Variants in ZBP1 observed in about 807,000 individuals in gnomAD.
ZBP1 encodes Z-DNA binding protein 1.
ZBP1 carries 42 observed loss-of-function variants against 41.1 expected under a neutral mutation model. The ratio of observed to expected loss-of-function variants is 1.02; its 90% CI spans 0.80 to 1.32. The LOEUF is 1.32. Ranked by LOEUF, ZBP1 falls within the 40% of genes most tolerant of loss-of-function variation. ZBP1 has a pLI of 0.00. For missense variants in ZBP1, 562 were observed against 549.7 expected, an observed-to-expected ratio of 1.02 and a Z score of -0.22; for synonymous variants, 214 against 205.2, an observed-to-expected ratio of 1.04 and a Z score of -0.37.
rs370973847 is a variant in ZBP1, at chr20:57,611,698, G to A, written c.874+29C>T. On this transcript the variant is annotated intron_variant, in intron 6 of 7. Coordinates refer to ENST00000371173, the MANE Select transcript of ZBP1 (RefSeq NM_030776.3). The stretch of plus-strand genomic sequence containing the variant: ...CAGTGAGGACCCACGGGGTGGCAGA[G>A]TTGGGTCTGGCCTCTAGATCCCAGT... 1.0e-5 allele frequency: 16 copies of A among 1,591,732 alleles called. No individual in the cohort carries two copies. In the Admixed American group the frequency reaches 1.6e-4, roughly 16 times the overall value.
intron 5 of ZBP1, 143 bp from the exon 6 acceptor site, chr20:57,612,073 G>C (rs1459030889): frequency 2.2e-6 from 2 of 911,018 alleles, no homozygotes. Context: ...CTGGCTTAGA[G>C]AGCAAGAGGA....
Position 57,610,927 on chromosome 20 carries a change from G to C in ZBP1, c.875-560C>G, listed in dbSNP as rs182304987. Among the ~76,000 whole-genome samples, 5 of 151,796 alleles carry C rather than the reference G, an allele frequency of 3.3e-5. No individual in the cohort carries two copies. Among genetic ancestry groups the C allele is most frequent in the Admixed American group, 2.6e-4 (4 of 15,244 alleles). On this transcript the variant is annotated intron_variant, in intron 6 of 7. Transcript: ENST00000371173. The surrounding 1 kb of genome is among the most constrained non-coding windows in gnomAD (Gnocchi z 5.5). ...GATGCTTCCCTGGTCTCACCAGCCTGGCCCCTCTCTGGAGACTCCTTTCCC... is the reference window on the plus strand; with the variant it reads ...GATGCTTCCCTGGTCTCACCAGCCTCGCCCCTCTCTGGAGACTCCTTTCCC...
chr20:57,616,688 C>A (rs774936310), intron 1 of ZBP1: 11 of 573,218 alleles, frequency 1.9e-5, no homozygotes, highest in South Asian at 1.6e-4. Flanking sequence ...GCCTTGGCTG[C>A]GCAGCCTGGT....
intron 7 of ZBP1, among the ~76,000 whole-genome samples, chr20:57,609,843 C>T (rs994378255): frequency 3.9e-5 from 6 of 152,270 alleles, no homozygotes; most frequent in South Asian, 2.1e-4. Flanking sequence ...GGCTGAGCTT[C>T]GCCTTCAGAT....
rs562117860 is a variant in ZBP1 at position 57,604,308 on chromosome 20, C to A, written c.*265G>T. The A allele has an allele frequency of 3.7e-5, 23 of 616,718 alleles. 1 individual carries two copies. In the East Asian group the frequency reaches 7.9e-4, roughly 21 times the overall value. 38.2% of individuals were successfully genotyped at this position (616,718 alleles called of 1,614,324 possible). On this transcript the variant is annotated 3_prime_UTR_variant, in exon 8 of 8. Transcript: ENST00000371173. ...AGAGAGTCCCCTGGGCCTGGGGGAC[C>A]GAGCCCCACTCCCATCTACCCACCT...
intron 5 of ZBP1, 58 bp from the exon 6 acceptor site, chr20:57,611,988 C>T: frequency 1.3e-6 from 2 of 1,509,992 alleles, no homozygotes; most frequent in African/African-American, 1.4e-5. Flanking sequence ...CTTCCTTTCC[C>T]TCACCACCAC....
chr20:57,609,039 C>G (rs1047740725), intron 7 of ZBP1, among the ~76,000 whole-genome samples: 7 of 152,328 alleles, frequency 4.6e-5, no homozygotes, highest in Admixed American at 4.6e-4. Context: ...CCCATGGCTT[C>G]CAATTGCCTT....
chr20:57,610,187 ACTC>A lies in ZBP1; in HGVS notation c.1052_1054del (p.Gly351del). ...TGGCTCCCCCTCTCCAGACCCTGCG[ACTC>A]CTCCTGGGCCAGCCACCCCTGGGCT... On this transcript the variant is annotated inframe_deletion, in exon 7 of 8. Transcript: ENST00000371173. The surrounding 1 kb of genome is among the most constrained non-coding windows in gnomAD (Gnocchi z 5.5). The A allele has an allele frequency of 4.3e-6, 7 of 1,612,450 alleles. No individual in the cohort carries two copies. The highest frequency in any genetic ancestry group is 5.9e-6 in the Non-Finnish European group (7 of 1,179,618).
intron 4 of ZBP1, 140 bp downstream of exon 4, chr20:57,614,747 C>A (rs1194020797): frequency 1.8e-6 from 2 of 1,141,580 alleles, no homozygotes; most frequent in Non-Finnish European, 2.5e-6. Flanking sequence ...TCCTGGAAGC[C>A]CTTGCAGTGA....
At position 57,616,870 on chromosome 20, in the gene ZBP1, C is replaced by T. The variant is rs149369466; in HGVS notation, c.35-402G>A. ...GCGCAAAGGCAAGTCCTGCCTGGGA[C>T]GCCTGCCTGGGTTTACCTGATGCCC... is the stretch of plus-strand genomic sequence containing the variant. On this transcript the variant is annotated intron_variant, in intron 1 of 7. Coordinates refer to ENST00000371173, the MANE Select transcript of ZBP1 (RefSeq NM_030776.3). The T allele has an allele frequency of 1.3e-3, 321 of 237,968 alleles. 1 individual carries two copies. The highest frequency in any genetic ancestry group is 6.8e-3 in the African/African-American group (303 of 44,406). The allele number at this position is 237,968 out of a possible 1,614,324, so 14.7% of individuals were successfully genotyped here.
At chr20:57,606,942 C>T (rs1366597125) in intron 7 of ZBP1, 1 of 1,163,322 alleles carries the variant, frequency 8.6e-7, no homozygotes, top group Non-Finnish European at 1.1e-6. Flanking sequence ...GACAATGCAC[C>T]TGTTCATCCA....
intron 7 of ZBP1, among the ~76,000 whole-genome samples, chr20:57,606,567 G>A (rs949109864): frequency 2.0e-5 from 3 of 152,204 alleles, no homozygotes; most frequent in African/African-American, 7.2e-5. Flanking sequence ...TTCATAACTC[G>A]AAAGGAGATG....
chr20:57,611,702 G>T lies in ZBP1; in HGVS notation c.874+25C>A, dbSNP rs1267439004. On this transcript the variant is annotated intron_variant, in intron 6 of 7. Coordinates refer to ENST00000371173, the MANE Select transcript of ZBP1 (RefSeq NM_030776.3). ...GAGGACCCACGGGGTGGCAGAGTTG[G>T]GTCTGGCCTCTAGATCCCAGTTACC... 2.5e-6 allele frequency: 4 copies of T among 1,595,886 alleles called. No homozygotes were observed. In the South Asian group the frequency reaches 3.4e-5, roughly 14 times the overall value.
chr20:57,619,104 C>A (rs2070926874), intron 1 of ZBP1, among the ~76,000 whole-genome samples: 1 of 152,216 alleles, frequency 6.6e-6, no homozygotes, highest in African/African-American at 2.4e-5. Flanking sequence ...GGGAGGAAGA[C>A]AAGAAAAGCC....
At position 57,616,466 on chromosome 20, in the gene ZBP1, G is replaced by T; in HGVS notation, c.37C>A (p.His13Asn). ...QAPADPGREG[H>N]LEQRILQVLT... is the part of the protein sequence containing the mutation. ...ACCTGCAGGATTCTTTGTTCAAGGT[G>T]GCCTGGGGGAGCGAGCGGGGGACAG... Residue 13 changes from histidine (H) to asparagine (N), a missense_variant and splice_region_variant, in exon 2 of 8, where the codon CAC becomes AAC. Transcript: ENST00000371173. The T allele has an allele frequency of 1.9e-6, 3 of 1,613,224 alleles. No homozygotes were observed. Among genetic ancestry groups the T allele is most frequent in the Non-Finnish European group, 2.5e-6 (3 of 1,179,858 alleles).
At chr20:57,608,820 G>A (rs2070565164) in intron 7 of ZBP1, among the ~76,000 whole-genome samples, 1 of 152,240 alleles carries the variant, frequency 6.6e-6, no homozygotes, top group Non-Finnish European at 1.5e-5. Context: ...GGACTTCCAG[G>A]ACATGCATCC....
chr20:57,620,241 TGGAA>T lies in ZBP1; in HGVS notation c.34+17_34+20del. On this transcript the variant is annotated intron_variant, in intron 1 of 7. Coordinates refer to ENST00000371173, the MANE Select transcript of ZBP1 (RefSeq NM_030776.3). The stretch of plus-strand genomic sequence containing the variant: ...CACCCCGGGAGCTACCGCTGGTCCT[TGGAA>T]GGAAGAAGTACTGTACCTTCTCTGC... The T allele has an allele frequency of 6.3e-7, 1 of 1,579,728 alleles. No individual in the cohort carries two copies. The highest frequency in any genetic ancestry group is 8.6e-7 in the Non-Finnish European group (1 of 1,161,840).
At position 57,604,668 on chromosome 20, in the gene ZBP1, T is replaced by C. The variant is rs113866900; in HGVS notation, c.1195A>G (p.Met399Val). ...TTGTGACTCCTGTTTCCAAGAGTCATAGTTTCCAGCTTGGGGGTGAGCTTC... is the reference window on the plus strand; with the variant it reads ...TTGTGACTCCTGTTTCCAAGAGTCACAGTTTCCAGCTTGGGGGTGAGCTTC... ...HSKLTPKLET[M>V]TLGNRSHKAA... The change falls in exon 8 of 8, where the codon ATG (methionine) becomes GTG (valine). Residue 399 changes from methionine (M) to valine (V), a missense_variant. Coordinates refer to ENST00000371173, the MANE Select transcript of ZBP1 (RefSeq NM_030776.3). The C allele has an allele frequency of 7.8e-5, 126 of 1,614,056 alleles. No homozygotes were observed. Among genetic ancestry groups the C allele is most frequent in the Non-Finnish European group, 1.0e-4 (123 of 1,180,040 alleles).
intron 1 of ZBP1, chr20:57,616,727 C>A: frequency 2.1e-6 from 1 of 486,572 alleles, no homozygotes; most frequent in Non-Finnish European, 3.7e-6. Context: ...CTCGCCTGTG[C>A]CCTCCCCGGG....
Sources: allele counts gnomAD v4.1 joint callset (sites outside exome capture counted in the v4.1 genomes callset), GRCh38; gene constraint gnomAD v4.1.1; non-coding constraint Gnocchi (gnomAD v3.1); transcripts MANE v1.5; gene names NCBI Gene and HGNC (gene_info 2026-07-23, HGNC 2026-07-21).